The following CTNNA3 variants were observed in gnomAD, a reference collection of about 807,000 sequenced individuals.
CTNNA3 encodes the protein catenin alpha 3, also known as catenin alpha-3.
CTNNA3 carries 76 observed loss-of-function variants against 95.7 expected under a neutral mutation model. The observed-to-expected ratio is 0.79, with a 90% CI of 0.66 to 0.96. The LOEUF is 0.96. Ranked by LOEUF, CTNNA3 falls within the 40% of genes least tolerant of loss-of-function variation. CTNNA3 has a pLI of 0.00. For missense variants in CTNNA3, 1,191 were observed against 1,089.8 expected (o/e 1.09, Z -1.31); for synonymous variants, 431 against 374.4 (o/e 1.15, Z -1.74).
At chr10:66,787,229 G>A (rs1294875957) in intron 7 of CTNNA3, among the ~76,000 whole-genome samples, 1 of 151,744 alleles carries the variant, frequency 6.6e-6, no homozygotes, top group African/African-American at 2.4e-5. Flanking sequence ...ATGGCGTGTA[G>A]AAACAGATGT....
chr10:66,854,689 T>C (rs575475572), intron 7 of CTNNA3, among the ~76,000 whole-genome samples: 38 of 151,824 alleles, frequency 2.5e-4, no homozygotes, highest in Admixed American at 9.2e-4. Flanking sequence ...CTGACAGGTA[T>C]GCAAATGACA....
In CTNNA3 at chr10:67,504,136, A is replaced by G. The variant is rs367736273; in HGVS notation, c.579+17706T>C. Among the ~76,000 whole-genome samples the G allele has an allele frequency of 1.8e-4, 27 of 148,842 alleles. 1 individual carries two copies. The highest frequency in any genetic ancestry group is 4.3e-4 in the South Asian group (2 of 4,640). ...CACGCCACTGCACTCCAGCCTGGGCAACAGAGCAAGACTCCGTCTCAAAAA... is the reference window on the plus strand; with the variant it reads ...CACGCCACTGCACTCCAGCCTGGGCGACAGAGCAAGACTCCGTCTCAAAAA... On this transcript the variant is annotated intron_variant, in intron 5 of 17. Coordinates refer to ENST00000433211, the MANE Select transcript of CTNNA3 (RefSeq NM_013266.4).
At chr10:65,935,179 CTA>C (rs976395835) in intron 17 of CTNNA3, among the ~76,000 whole-genome samples, 53 of 152,214 alleles carry the variant, frequency 3.5e-4, no homozygotes, top group African/African-American at 1.2e-3. Flanking sequence ...TCCTAAGAAA[CTA>C]TATTTCAACG....
chr10:66,158,617 C>T (rs1471475981), intron 13 of CTNNA3, among the ~76,000 whole-genome samples: 2 of 151,954 alleles, frequency 1.3e-5, no homozygotes, highest in African/African-American at 2.4e-5. Flanking sequence ...CTTAGTCTTG[C>T]TTTGGCTATG....
In CTNNA3 at chr10:65,920,520, A is replaced by C. The variant is rs753029606; in HGVS notation, c.2498T>G (p.Ile833Ser). The C allele has an allele frequency of 1.9e-6, 3 of 1,613,988 alleles. No individual in the cohort carries two copies. The African/African-American group carries it at 4.0e-5, about 22-fold the overall frequency. ...KMSYIASTKI[I>S]RIQSPAGPRH... is the part of the protein sequence containing the mutation. ...GGGCCCAGCAGGACTCTGGATTCGG[A>C]TGATCTTGGTTGAGGCAATGTAAGA... Residue 833 changes from isoleucine to serine, a missense_variant, in exon 18 of 18, where the codon ATC (isoleucine) becomes AGC (serine). Transcript: ENST00000433211.
At chr10:67,488,985 C>G (rs759845370) in intron 5 of CTNNA3, among the ~76,000 whole-genome samples, 1 of 152,222 alleles carries the variant, frequency 6.6e-6, no homozygotes, top group Non-Finnish European at 1.5e-5. Flanking sequence ...ATTCGCCAGC[C>G]TCAGCCTCCC....
intron 2 of CTNNA3, among the ~76,000 whole-genome samples, chr10:67,630,262 C>G (rs1485901981): frequency 6.6e-6 from 1 of 152,174 alleles, no homozygotes; most frequent in African/African-American, 2.4e-5. Context: ...ATCACATACC[C>G]AACATCCACT....
chr10:67,579,468 G>T (rs199902167), intron 3 of CTNNA3, among the ~76,000 whole-genome samples: 1 of 152,056 alleles, frequency 6.6e-6, no homozygotes, highest in Non-Finnish European at 1.5e-5. Context: ...GGACATTTGG[G>T]TTGGTTTCAA....
intron 10 of CTNNA3, among the ~76,000 whole-genome samples, chr10:66,533,087 T>G (rs1255239294): frequency 6.6e-6 from 1 of 152,172 alleles, no homozygotes; most frequent in African/African-American, 2.4e-5. Flanking sequence ...TTCACAAAAT[T>G]CCTGCCTCCT....
Position 67,355,996 on chromosome 10 carries a change from T to A in CTNNA3, c.580-136126A>T, listed in dbSNP as rs546294999. ...CACAACACTCATAGCCTTACAACTT[T>A]AAAGACCATCAAGAGAAATTCCATC... On this transcript the variant is annotated intron_variant, in intron 5 of 17. Coordinates refer to ENST00000433211, the MANE Select transcript of CTNNA3 (RefSeq NM_013266.4). Among the ~76,000 whole-genome samples, 21 of 152,098 alleles carry A rather than the reference T, an allele frequency of 1.4e-4. No individual in the cohort carries two copies. The South Asian group carries it at 4.4e-3, about 32-fold the overall frequency.
At chr10:67,607,825 T>C (rs1843332012) in intron 2 of CTNNA3, among the ~76,000 whole-genome samples, 1 of 152,196 alleles carries the variant, frequency 6.6e-6, no homozygotes, top group African/African-American at 2.4e-5. Flanking sequence ...TCTCTTCAAC[T>C]ACCCCAGTCA....
chr10:67,650,677 T>A (rs1489144964), intron 1 of CTNNA3, among the ~76,000 whole-genome samples: 1 of 152,168 alleles, frequency 6.6e-6, no homozygotes, highest in African/African-American at 2.4e-5. Context: ...TGAGAGGTCA[T>A]GGGGTGCACA....
chr10:66,709,030 G>A (rs569608094), intron 9 of CTNNA3, among the ~76,000 whole-genome samples: 7 of 152,102 alleles, frequency 4.6e-5, no homozygotes, highest in South Asian at 2.1e-4. Flanking sequence ...GTGTGAAAAC[G>A]TCTAGGCCCC....
At chr10:66,680,253 A>G (rs1847021758) in intron 9 of CTNNA3, among the ~76,000 whole-genome samples, 1 of 151,874 alleles carries the variant, frequency 6.6e-6, no homozygotes, top group Admixed American at 6.6e-5. Context: ...GATGGTCTCA[A>G]TCTCCTGACC....
At chr10:67,312,265 GT>G in intron 5 of CTNNA3, among the ~76,000 whole-genome samples, 1 of 152,072 alleles carries the variant, frequency 6.6e-6, no homozygotes, top group Admixed American at 6.5e-5. Context: ...TAGAGACGGG[GT>G]ATCACCATGT....
chr10:66,525,744 C>A (rs998147248), intron 10 of CTNNA3, among the ~76,000 whole-genome samples: 1 of 152,092 alleles, frequency 6.6e-6, no homozygotes, highest in Admixed American at 6.6e-5. Context: ...GTGCAACTAT[C>A]CATCTCCAGA....
At chr10:67,045,375 A>AT (rs998258940) in intron 7 of CTNNA3, among the ~76,000 whole-genome samples, 2 of 152,108 alleles carry the variant, frequency 1.3e-5, no homozygotes, top group Non-Finnish European at 2.9e-5. Flanking sequence ...AAATACCTCC[A>AT]TTTTTTAAAA....
At chr10:67,461,346 A>ATCTT (rs1465632215) in intron 5 of CTNNA3, among the ~76,000 whole-genome samples, 1 of 152,142 alleles carries the variant, frequency 6.6e-6, no homozygotes, top group Non-Finnish European at 1.5e-5. Flanking sequence ...AGATCTTAGA[A>ATCTT]GGATATCCCA....
chr10:67,137,694 G>T (rs1860363548), intron 7 of CTNNA3, among the ~76,000 whole-genome samples: 1 of 152,026 alleles, frequency 6.6e-6, no homozygotes, highest in African/African-American at 2.4e-5. Context: ...ACTAACAGCG[G>T]TCCTGAAATT....
Sources: allele counts gnomAD v4.1 joint callset (sites outside exome capture counted in the v4.1 genomes callset), GRCh38; gene constraint gnomAD v4.1.1; transcripts MANE v1.5; gene names NCBI Gene and HGNC (gene_info 2026-07-23, HGNC 2026-07-21).